NPRL3: variants seen among roughly 807,000 people sequenced by gnomAD.
NPRL3 encodes GATOR1 complex protein NPRL3.
Under a neutral mutation model 57.2 loss-of-function variants are expected in NPRL3, and 23 were observed. The ratio of observed to expected loss-of-function variants is 0.40; its 90% CI spans 0.29 to 0.57. The LOEUF (loss-of-function observed/expected upper bound fraction) is 0.57, where lower values mean the gene tolerates loss of function less well. Ranked by LOEUF, NPRL3 falls within the 20% of genes least tolerant of loss-of-function variation. The probability of loss-of-function intolerance (pLI) is 0.42; values close to 1 mark genes in which losing one functional copy is unlikely to be tolerated. For synonymous variants in NPRL3, 333 were observed against 321.1 expected, an observed-to-expected ratio of 1.04 and a Z score of -0.39; for missense variants, 691 against 767.1, an observed-to-expected ratio of 0.90 and a Z score of 1.17.
intron 11 of NPRL3, chr16:90,906 C>T (rs940142391): frequency 6.6e-6 from 1 of 152,228 alleles, no homozygotes; most frequent in Non-Finnish European, 1.5e-5. Context: ...ACAGTGAAAC[C>T]TCATCTCTAC....
At chr16:118,511 A>G (rs1381925981) in intron 4 of NPRL3, among the ~76,000 whole-genome samples, 1 of 152,184 alleles carries the variant, frequency 6.6e-6, no homozygotes, top group Non-Finnish European at 1.5e-5. Context: ...TTAACTCACT[A>G]TCTTGGCCTC....
chr16:95,711 G>A (rs905130211), intron 9 of NPRL3, among the ~76,000 whole-genome samples: 2 of 152,040 alleles, frequency 1.3e-5, no homozygotes, highest in African/African-American at 4.8e-5. Context: ...CTGGGACCAT[G>A]GGCACACACC....
rs953340982 is a variant in NPRL3 at position 117,388 on chromosome 16, C to T, written c.319-13G>A. On this transcript the variant is annotated splice_polypyrimidine_tract_variant and intron_variant, in intron 4 of 13. Transcript: ENST00000611875. ...CTGTTTTGGAGATCTGTAAAAGATG[C>T]ATAATTCTAATTAATTGAGACGACT... 1.1e-5 allele frequency: 18 copies of T among 1,579,968 alleles called. No homozygotes were observed. In the Middle Eastern group the frequency reaches 1.7e-3, roughly 146 times the overall value.
At chr16:113,032 G>C (rs561980799) in intron 5 of NPRL3, among the ~76,000 whole-genome samples, 1 of 152,296 alleles carries the variant, frequency 6.6e-6, no homozygotes, top group East Asian at 1.9e-4. Context: ...TAGTAACAGA[G>C]ATGGCTCTGG....
chr16:138,133 G>T lies in NPRL3; in HGVS notation c.118+17C>A. 1 of 1,571,144 alleles carries T rather than the reference G, an allele frequency of 6.4e-7. No individual in the cohort carries two copies. Among genetic ancestry groups the T allele is most frequent in the Non-Finnish European group, 8.6e-7 (1 of 1,156,682 alleles). On this transcript the variant is annotated intron_variant, in intron 2 of 13. Coordinates refer to ENST00000611875, the MANE Select transcript of NPRL3 (RefSeq NM_001077350.3). ...CGGCCCCCGCGAGCGCCAGGCCCCC[G>T]CCCAGCGCTCACTTACTTGTCTGGG...
chr16:123,790 C>CACACTCA (rs1900385391), intron 3 of NPRL3, among the ~76,000 whole-genome samples: 3 of 145,010 alleles, frequency 2.1e-5, no homozygotes, highest in Non-Finnish European at 3.0e-5. Flanking sequence ...ACACACTCCC[C>CACACTCA]ACGCTGAGAA....
intron 5 of NPRL3, among the ~76,000 whole-genome samples, chr16:114,977 T>A (rs1026567492): frequency 1.3e-5 from 2 of 150,808 alleles, no homozygotes; most frequent in African/African-American, 4.9e-5. Flanking sequence ...AAAAAAAGTG[T>A]ATTTCTTTTT....
At chr16:133,587 A>G (rs1900917378) in intron 2 of NPRL3, among the ~76,000 whole-genome samples, 1 of 152,170 alleles carries the variant, frequency 6.6e-6, no homozygotes, top group African/African-American at 2.4e-5. Context: ...CCCAGGCTAG[A>G]TTTAAACTCC....
intron 7 of NPRL3, among the ~76,000 whole-genome samples, chr16:107,894 C>T (rs902109508): frequency 3.9e-5 from 6 of 152,192 alleles, no homozygotes; most frequent in African/African-American, 1.2e-4. Flanking sequence ...GAGGCATACA[C>T]TCAGAATAAG....
At chr16:103,875 G>GAGGCTGAGATGGGC (rs1187058892) in intron 7 of NPRL3, among the ~76,000 whole-genome samples, 1 of 152,180 alleles carries the variant, frequency 6.6e-6, no homozygotes, top group Non-Finnish European at 1.5e-5. Flanking sequence ...AGCACTTTGG[G>GAGGCTGAGATGGGC]AGGCTGAGAT....
chr16:128,148 T>A (rs77383092), intron 3 of NPRL3, among the ~76,000 whole-genome samples: 2,758 of 152,198 alleles, frequency 0.018, 80 homozygotes, highest in African/African-American at 0.063. Flanking sequence ...TGTGCTCCCA[T>A]GCCCGACAAA....
chr16:88,478 T>C (rs1158292922), intron 13 of NPRL3, among the ~76,000 whole-genome samples: 1 of 148,888 alleles, frequency 6.7e-6, no homozygotes. Flanking sequence ...GTCCGAAAAA[T>C]AGGCATGCCA....
chr16:135,721 A>G (rs951881769), intron 2 of NPRL3, among the ~76,000 whole-genome samples: 7 of 152,126 alleles, frequency 4.6e-5, no homozygotes, highest in African/African-American at 1.2e-4. Flanking sequence ...TTAAAACAAA[A>G]CTCAGAAACC....
At chr16:98,007 C>T in intron 9 of NPRL3, 138 bp downstream of exon 9, 2 of 1,061,656 alleles carry the variant, frequency 1.9e-6, no homozygotes, top group East Asian at 2.5e-5. Context: ...ATCCCAGGGA[C>T]TGGCCCCACC....
At chr16:111,058 C>T (rs1899786099) in intron 6 of NPRL3, among the ~76,000 whole-genome samples, 1 of 152,108 alleles carries the variant, frequency 6.6e-6, no homozygotes, top group Non-Finnish European at 1.5e-5. Context: ...TTGTTATTAT[C>T]ACAATTATAA....
intron 3 of NPRL3, among the ~76,000 whole-genome samples, chr16:119,879 T>C (rs1316392687): frequency 6.6e-6 from 1 of 152,246 alleles, no homozygotes; most frequent in Non-Finnish European, 1.5e-5. Context: ...TGATCACAGC[T>C]ATTTCCAAAT....
intron 5 of NPRL3, 97 bp downstream of exon 5, chr16:117,204 G>T: frequency 2.4e-6 from 2 of 843,964 alleles, no homozygotes; most frequent in Non-Finnish European, 3.8e-6. Flanking sequence ...GCCCGCTGCA[G>T]TCCAAGCTCC....
At chr16:111,626 T>A (rs1198008800) in intron 6 of NPRL3, among the ~76,000 whole-genome samples, 1 of 151,642 alleles carries the variant, frequency 6.6e-6, no homozygotes, top group Non-Finnish European at 1.5e-5. Context: ...ATTTTTGGGT[T>A]TTTTTCGGTA....
At chr16:118,575 C>T (rs958919187) in intron 4 of NPRL3, among the ~76,000 whole-genome samples, 5 of 152,154 alleles carry the variant, frequency 3.3e-5, no homozygotes, top group Non-Finnish European at 5.9e-5. Context: ...CAGTAGAGAC[C>T]TAGAATGCAG....
Sources: gnomAD v4.1 joint callset for allele counts (sites outside exome capture counted in the v4.1 genomes callset) on GRCh38, gnomAD v4.1.1 for gene constraint, MANE v1.5 for transcripts, NCBI Gene and HGNC (gene_info 2026-07-23, HGNC 2026-07-21) for gene names.